The following FMNL2 variants were observed in gnomAD, a reference collection of about 807,000 sequenced individuals.
The protein encoded by FMNL2 is formin like 2, also known as formin-like protein 2.
FMNL2 carries 51 observed loss-of-function variants against 130.2 expected under a neutral mutation model. The ratio of observed to expected loss-of-function variants is 0.39; its 90% CI spans 0.31 to 0.49. The LOEUF (loss-of-function observed/expected upper bound fraction) is 0.49. Among genes scored for constraint, FMNL2 ranks in the 20% least tolerant of loss-of-function variants. The pLI is 0.85. For missense variants in FMNL2, 977 were observed against 1,316.2 expected (o/e 0.74, Z 3.99); for synonymous variants, 465 against 467.1 (o/e 1.00, Z 0.06).
intron 1 of FMNL2, among the ~76,000 whole-genome samples, chr2:152,479,731 T>G (rs893713135): frequency 6.7e-6 from 1 of 149,434 alleles, no homozygotes; most frequent in African/African-American, 2.5e-5. Flanking sequence ...TTTTTTTTTT[T>G]TTTTTTTTTT....
intron 1 of FMNL2, among the ~76,000 whole-genome samples, chr2:152,370,178 C>T (rs13022422): frequency 0.078 from 11,927 of 152,154 alleles, 509 homozygotes; most frequent in African/African-American, 0.1. Flanking sequence ...TGATTTCTCA[C>T]GGTTCTGGAG....
chr2:152,406,380 G>T (rs1685981378), intron 1 of FMNL2, among the ~76,000 whole-genome samples: 1 of 133,792 alleles, frequency 7.5e-6, no homozygotes. Flanking sequence ...GTTACAATTG[G>T]TGTTAACAGT....
At chr2:152,413,469 G>A (rs186665918) in intron 1 of FMNL2, among the ~76,000 whole-genome samples, 5 of 152,246 alleles carry the variant, frequency 3.3e-5, no homozygotes, top group Non-Finnish European at 7.4e-5. Flanking sequence ...CCAAACAGTA[G>A]TGGTTTTATT....
chr2:152,367,346 T>C (rs1018121691), intron 1 of FMNL2, among the ~76,000 whole-genome samples: 2 of 152,028 alleles, frequency 1.3e-5, no homozygotes, highest in African/African-American at 4.8e-5. Flanking sequence ...AAAGTGCACA[T>C]TTAGTAGGCA....
intron 1 of FMNL2, among the ~76,000 whole-genome samples, chr2:152,444,369 C>G (rs1688227928): frequency 6.6e-6 from 1 of 152,160 alleles, no homozygotes; most frequent in Non-Finnish European, 1.5e-5. Context: ...GACTATCCCA[C>G]AAGAACCAGC....
At position 152,621,860 on chromosome 2, in the gene FMNL2, A is replaced by G. The variant is rs559507995; in HGVS notation, c.1837+2142A>G. ...AGAATGAAGAGACAGAGCTGAGCTA[A>G]TATTCTGAAGCCTCCTGGGAAGTCA... is the stretch of plus-strand genomic sequence containing the variant. On this transcript the variant is annotated intron_variant, in intron 15 of 25. Coordinates refer to ENST00000288670, the MANE Select transcript of FMNL2 (RefSeq NM_052905.4). Among the ~76,000 whole-genome samples the G allele has an allele frequency of 4.5e-4, 69 of 152,284 alleles. 1 individual carries two copies. The highest frequency in any genetic ancestry group is 1.6e-3 in the African/African-American group (67 of 41,562).
chr2:152,589,940 C>CATACATATATATAT (rs1697295819), intron 9 of FMNL2, among the ~76,000 whole-genome samples: 2 of 67,034 alleles, frequency 3.0e-5, no homozygotes, highest in Non-Finnish European at 5.5e-5. Context: ...TGGCTTTATA[C>CATACATATATATAT]ATATATATAT....
At chr2:152,452,578 A>G (rs1310032717) in intron 1 of FMNL2, among the ~76,000 whole-genome samples, 1 of 152,178 alleles carries the variant, frequency 6.6e-6, no homozygotes, top group Non-Finnish European at 1.5e-5. Flanking sequence ...GTAATGGGAC[A>G]AATGTGACTG....
Position 152,611,063 on chromosome 2 carries a change from G to A in FMNL2, c.952-432G>A, listed in dbSNP as rs146825143. 3.5e-3 allele frequency among the ~76,000 whole-genome samples: 528 copies of A among 152,268 alleles called. 1 individual carries two copies. The highest frequency in any genetic ancestry group is 0.012 in the African/African-American group (511 of 41,554). On this transcript the variant is annotated intron_variant, in intron 10 of 25. Coordinates refer to ENST00000288670, the MANE Select transcript of FMNL2 (RefSeq NM_052905.4). The stretch of plus-strand genomic sequence containing the variant: ...AGTATAAAATATTTTTAAAGAGGCC[G>A]GGCGCAGTGGGTCATGCCTGTAATC...
intron 1 of FMNL2, among the ~76,000 whole-genome samples, chr2:152,518,266 T>G (rs1323546648): frequency 6.6e-6 from 1 of 152,222 alleles, no homozygotes; most frequent in African/African-American, 2.4e-5. Context: ...CCTTATGGAA[T>G]TATTAAGCTG....
chr2:152,648,030 G>GCAAA lies in FMNL2; in HGVS notation c.*128_*131dup, dbSNP rs1683768656. ...AAATATTCTTAAGGGCTCAGATTTAGCAAACACGGAAGAATTTTAAAATGA... is the reference window on the plus strand; with the variant it reads ...AAATATTCTTAAGGGCTCAGATTTAGCAAACAAACACGGAAGAATTTTAAAATGA... On this transcript the variant is annotated 3_prime_UTR_variant, in exon 26 of 26. Coordinates refer to ENST00000288670, the MANE Select transcript of FMNL2 (RefSeq NM_052905.4). 1 of 837,624 alleles carries GCAAA rather than the reference G, an allele frequency of 1.2e-6. No individual in the cohort carries two copies. The allele number at this position is 837,624 out of a possible 1,614,324, so 51.9% of individuals were successfully genotyped here.
Position 152,619,689 on chromosome 2 carries a change from C to T in FMNL2, c.1808C>T (p.Pro603Leu). ...SAPPLPGTSSPTVVFNSGLAA... is the reference protein window; with the variant it reads ...SAPPLPGTSSLTVVFNSGLAA... Reference sequence around the variant, plus strand: ...CCTCCGCTGCCTGGAACATCTTCACCCACAGTGGTTTTCAACTCAGGATTA... The same window carrying T: ...CCTCCGCTGCCTGGAACATCTTCACTCACAGTGGTTTTCAACTCAGGATTA... The change falls in exon 15 of 26, where the codon CCC becomes CTC. Residue 603 changes from proline to leucine, a missense_variant. Around this residue, in one of 4 missense-constraint regions of FMNL2, gnomAD observed 689 missense variants for 995.9 expected, o/e 0.69. Transcript: ENST00000288670. 3 of 1,612,462 alleles carry T rather than the reference C, an allele frequency of 1.9e-6. No homozygotes were observed. Among genetic ancestry groups the T allele is most frequent in the Non-Finnish European group, 2.5e-6 (3 of 1,179,570 alleles).
At chr2:152,593,383 G>A (rs528866348) in intron 9 of FMNL2, among the ~76,000 whole-genome samples, 1 of 152,162 alleles carries the variant, frequency 6.6e-6, no homozygotes, top group African/African-American at 2.4e-5. Flanking sequence ...TGATTCTGTG[G>A]AAATCTGCAA....
chr2:152,643,865 A>G, intron 25 of FMNL2: 1 of 985,430 alleles, frequency 1.0e-6, no homozygotes, highest in Non-Finnish European at 1.2e-6. Flanking sequence ...TGCTTATAAG[A>G]TTTTTGAGCT....
At chr2:152,640,155 G>C (rs1682959428) in intron 24 of FMNL2, 99 bp downstream of exon 24, 2 of 1,010,316 alleles carry the variant, frequency 2.0e-6, no homozygotes, top group East Asian at 5.5e-5. Flanking sequence ...GGTGTGCCCA[G>C]GATCCTGACC....
chr2:152,439,079 TTG>T (rs10539703), intron 1 of FMNL2, among the ~76,000 whole-genome samples: 69,951 of 144,312 alleles, frequency 0.48, 18,382 homozygotes, highest in Non-Finnish European at 0.62. Context: ...TTCAGTTTAA[TTG>T]TGTGTGTGTG....
At chr2:152,644,420 G>C (rs1350571435) in intron 25 of FMNL2, among the ~76,000 whole-genome samples, 3 of 152,176 alleles carry the variant, frequency 2.0e-5, no homozygotes, top group African/African-American at 4.8e-5. Context: ...CTGCAAATCA[G>C]GCCTTTCTTA....
chr2:152,389,903 G>A, intron 1 of FMNL2: 3 of 1,036,248 alleles, frequency 2.9e-6, no homozygotes, highest in East Asian at 2.5e-5. Flanking sequence ...AAGAGAACCC[G>A]GGAGAAGGTG....
At chr2:152,357,121 ACATC>A (rs1560293698) in intron 1 of FMNL2, among the ~76,000 whole-genome samples, 4 of 132,600 alleles carry the variant, frequency 3.0e-5, no homozygotes, top group African/African-American at 9.0e-5. Flanking sequence ...GATAAATATT[ACATC>A]AGTTTAATGT....
Sources: allele counts gnomAD v4.1 joint callset (sites outside exome capture counted in the v4.1 genomes callset), GRCh38; gene constraint gnomAD v4.1.1; regional missense constraint gnomAD v4.1.1; transcripts MANE v1.5; gene names NCBI Gene and HGNC (gene_info 2026-07-23, HGNC 2026-07-21).